Variants in FAM163A observed in about 807,000 individuals in gnomAD.
The protein encoded by FAM163A is protein FAM163A.
Under a neutral mutation model 12.0 loss-of-function variants are expected in FAM163A, and 7 were observed. The observed-to-expected ratio is 0.58, with a 90% CI of 0.33 to 1.10. The LOEUF (loss-of-function observed/expected upper bound fraction) is 1.10, where lower values mean the gene tolerates loss of function less well. FAM163A is among the 50% of genes least tolerant of loss of function. The pLI, the probability that FAM163A is intolerant of heterozygous loss-of-function variation, is 0.03. For synonymous variants in FAM163A, 101 were observed against 91.0 expected, an observed-to-expected ratio of 1.11 and a Z score of -0.62; for missense variants, 202 against 218.6, an observed-to-expected ratio of 0.92 and a Z score of 0.48.
At chr1:179,809,116 T>A (rs891425858) in intron 2 of FAM163A, among the ~76,000 whole-genome samples, 22 of 150,660 alleles carry the variant, frequency 1.5e-4, no homozygotes, top group African/African-American at 4.2e-4. Context: ...CAAAAAAAAA[T>A]TTTTTTTTTC....
intron 1 of FAM163A, among the ~76,000 whole-genome samples, chr1:179,773,146 T>C (rs1170235835): frequency 6.6e-6 from 1 of 151,806 alleles, no homozygotes; most frequent in Non-Finnish European, 1.5e-5. Context: ...CCAATTTATA[T>C]ACCATTCTTG....
rs1248756003 is a variant in FAM163A at position 179,815,007 on chromosome 1, G to C, written c.*818G>C. On this transcript the variant is annotated 3_prime_UTR_variant, in exon 5 of 5. Coordinates refer to ENST00000341785, the MANE Select transcript of FAM163A (RefSeq NM_173509.3). Reference sequence around the variant, plus strand: ...TGGTAGCTTAGCAAAGAGACCAGCTGACTGTCTCTCGGCCCAGCCCACCAC... The same window carrying C: ...TGGTAGCTTAGCAAAGAGACCAGCTCACTGTCTCTCGGCCCAGCCCACCAC... 1 of 152,282 alleles carries C rather than the reference G, an allele frequency of 6.6e-6. No individual in the cohort carries two copies. The highest frequency in any genetic ancestry group is 3.4e-3 in the Middle Eastern group (1 of 294). 9.4% of individuals were successfully genotyped at this position (152,282 alleles called of 1,614,324 possible). A position where few individuals can be genotyped will look rare whatever the true frequency, so the allele number is the denominator to read the frequency against.
intron 1 of FAM163A, among the ~76,000 whole-genome samples, chr1:179,770,419 A>G (rs1688122065): frequency 6.6e-6 from 1 of 151,946 alleles, no homozygotes; most frequent in Non-Finnish European, 1.5e-5. Context: ...TGTTCTTCTG[A>G]TCGTGTCACT....
the FAM163A span, among the ~76,000 whole-genome samples, chr1:179,732,608 G>A: frequency 6.6e-6 from 1 of 152,268 alleles, no homozygotes; most frequent in Middle Eastern, 3.4e-3. Flanking sequence ...TAGGCAGGAT[G>A]CGGTGGCTCA....
At chr1:179,790,760 G>T (rs1349413322) in intron 1 of FAM163A, among the ~76,000 whole-genome samples, 1 of 144,540 alleles carries the variant, frequency 6.9e-6, no homozygotes, top group African/African-American at 2.4e-5. Flanking sequence ...CAAGGTGGGA[G>T]AAGGCAGCTC....
intron 1 of FAM163A, among the ~76,000 whole-genome samples, chr1:179,805,476 C>T (rs1158513776): frequency 6.6e-6 from 1 of 151,454 alleles, no homozygotes; most frequent in Non-Finnish European, 1.5e-5. Context: ...GCGGAGGTTG[C>T]AGTGAGCCGA....
chr1:179,770,509 G>T (rs900748346), intron 1 of FAM163A, among the ~76,000 whole-genome samples: 1 of 152,032 alleles, frequency 6.6e-6, no homozygotes, highest in Admixed American at 6.5e-5. Context: ...CCAGAGTCTT[G>T]GGGGCACCTG....
At position 179,815,631 on chromosome 1, in the gene FAM163A, TGATGAGTTTTCCA is replaced by T. The variant is rs1695253406; in HGVS notation, c.*1444_*1456del. The T allele has an allele frequency of 6.6e-6, 1 of 152,310 alleles. No individual in the cohort carries two copies. The highest frequency in any genetic ancestry group is 1.5e-5 in the Non-Finnish European group (1 of 68,124). The allele number at this position is 152,310 out of a possible 1,614,324, so 9.4% of individuals were successfully genotyped here. ...GCAGTGGCTTTGTGAGTGAGAATCC[TGATGAGTTTTCCA>T]GTGGCCTCTGCAGAAGCTGGCCCCC... On this transcript the variant is annotated 3_prime_UTR_variant, in exon 5 of 5. Transcript: ENST00000341785.
intron 1 of FAM163A, among the ~76,000 whole-genome samples, chr1:179,744,036 G>T (rs902533664): frequency 6.6e-6 from 1 of 152,172 alleles, no homozygotes; most frequent in Non-Finnish European, 1.5e-5. Context: ...CTTGAGACCG[G>T]GGCTCGGTTT....
chr1:179,798,374 C>T (rs191176802), intron 1 of FAM163A, among the ~76,000 whole-genome samples: 9 of 152,370 alleles, frequency 5.9e-5, no homozygotes, highest in East Asian at 3.9e-4. Context: ...GTGTCTCACA[C>T]GGGGCTTGCC....
At position 179,766,901 on chromosome 1, in the gene FAM163A, A is replaced by G. The variant is rs182660966; in HGVS notation, c.-136+23478A>G. 6.6e-5 allele frequency among the ~76,000 whole-genome samples: 10 copies of G among 152,188 alleles called. No homozygotes were observed. The East Asian group carries it at 1.5e-3, about 24-fold the overall frequency. ...CTCCCAAGTAGCTGGGATTACAGGC[A>G]CATGCCACCACGCTCGGCTAATTTT... On this transcript the variant is annotated intron_variant, in intron 1 of 4. Transcript: ENST00000341785.
chr1:179,812,982 G>A (rs1694904544), intron 3 of FAM163A, 94 bp from the exon 4 acceptor site: 1 of 1,214,360 alleles, frequency 8.2e-7, no homozygotes, highest in Non-Finnish European at 1.2e-6. Flanking sequence ...CAGGCCCCCT[G>A]CCCCAGCCTC....
At chr1:179,812,371 G>T (rs1038757202) in intron 3 of FAM163A, among the ~76,000 whole-genome samples, 1 of 152,188 alleles carries the variant, frequency 6.6e-6, no homozygotes, top group African/African-American at 2.4e-5. Flanking sequence ...GGCCCAGAAT[G>T]CCACACACCA....
chr1:179,762,499 C>G (rs1490676372), intron 1 of FAM163A, among the ~76,000 whole-genome samples: 2 of 152,176 alleles, frequency 1.3e-5, no homozygotes, highest in African/African-American at 4.8e-5. Context: ...TAGCAATTTG[C>G]CTGCCTCACC....
chr1:179,812,004 G>A (rs545962018), intron 2 of FAM163A, 106 bp from the exon 3 acceptor site: 17 of 152,732 alleles, frequency 1.1e-4, no homozygotes, highest in African/African-American at 2.9e-4. Context: ...GCCACACAGC[G>A]AAGAAAGCAA....
intron 3 of FAM163A, 130 bp downstream of exon 3, chr1:179,812,261 C>G (rs528976495): frequency 5.9e-5 from 9 of 152,770 alleles, no homozygotes; most frequent in African/African-American, 2.2e-4. Context: ...GAGAATCTGT[C>G]TGAAGCCATG....
At chr1:179,780,229 G>A (rs1689531033) in intron 1 of FAM163A, among the ~76,000 whole-genome samples, 1 of 152,204 alleles carries the variant, frequency 6.6e-6, no homozygotes, top group Non-Finnish European at 1.5e-5. Context: ...TAACTGACAG[G>A]ATAAAATAAT....
rs760320182 is a variant in FAM163A, at chr1:179,813,835, G to A, written c.150G>A (p.Glu50=). The A allele has an allele frequency of 6.2e-7, 1 of 1,614,034 alleles. No individual in the cohort carries two copies. Among genetic ancestry groups the A allele is most frequent in the Non-Finnish European group, 8.5e-7 (1 of 1,180,028 alleles). Residue 50 remains glutamate, a synonymous_variant, in exon 5 of 5, where the codon GAG becomes GAA. Transcript: ENST00000341785. ...TEVADEEEER[E]HDLPTHPRGP... ...TTGCAGACGAGGAGGAGGAGCGGGA[G>A]CACGACCTTCCCACGCATCCCAGAG...
At chr1:179,787,286 T>C (rs950204291) in intron 1 of FAM163A, among the ~76,000 whole-genome samples, 19 of 152,074 alleles carry the variant, frequency 1.2e-4, no homozygotes, top group Non-Finnish European at 4.4e-5. Flanking sequence ...CCTAAACACA[T>C]CTATTCCTGA....
Sources: gnomAD v4.1 joint callset for allele counts (sites outside exome capture counted in the v4.1 genomes callset) on GRCh38, gnomAD v4.1.1 for gene constraint, MANE v1.5 for transcripts, NCBI Gene and HGNC (gene_info 2026-07-23, HGNC 2026-07-21) for gene names.